Variants in KIF4A observed in about 807,000 individuals in gnomAD.
KIF4A encodes kinesin family member 4A.
KIF4A carries 7 observed loss-of-function variants against 105.9 expected under a neutral mutation model. The observed-to-expected ratio is 0.07, with a 90% CI of 0.04 to 0.12. The LOEUF is 0.12. Among genes scored for constraint, KIF4A ranks in the 10% least tolerant of loss-of-function variants. The probability of loss-of-function intolerance (pLI) is 1.00; values close to 1 mark genes in which losing one functional copy is unlikely to be tolerated. For synonymous variants in KIF4A, 281 were observed against 331.3 expected, an observed-to-expected ratio of 0.85 and a Z score of 1.65; for missense variants, 558 against 929.2, an observed-to-expected ratio of 0.60 and a Z score of 5.19.
intron 7 of KIF4A, among the ~76,000 whole-genome samples, chrX:70,326,352 T>A (rs2085911026): frequency 8.9e-6 from 1 of 112,044 alleles, no homozygotes; most frequent in African/African-American, 3.2e-5. Context: ...CACTCCTAAG[T>A]TGTGACAACC....
At chrX:70,389,382 C>G (rs1353173778) in intron 20 of KIF4A, among the ~76,000 whole-genome samples, 1 of 112,523 alleles carries the variant, frequency 8.9e-6, no homozygotes, top group Non-Finnish European at 1.9e-5. Flanking sequence ...TCCTGGCCAA[C>G]ATGGCAAAAC....
At chrX:70,357,085 C>T (rs889338474) in intron 15 of KIF4A, among the ~76,000 whole-genome samples, 35 of 111,139 alleles carry the variant, frequency 3.1e-4, no homozygotes, top group Middle Eastern at 4.6e-3. Context: ...GAGCCCGAGG[C>T]GGGCGGATCA....
chrX:70,297,270 A>G (rs2085787046), intron 4 of KIF4A, 82 bp downstream of exon 4: 2 of 856,927 alleles, frequency 2.3e-6, no homozygotes, highest in Admixed American at 3.3e-5. Context: ...TTTTCCTGAC[A>G]TGACTCAAAT....
chrX:70,383,965 G>C (rs1404289424), intron 18 of KIF4A, among the ~76,000 whole-genome samples: 4 of 111,932 alleles, frequency 3.6e-5, no homozygotes, highest in Admixed American at 9.5e-5. Context: ...CTAAAATTAA[G>C]TGTGGTGATG....
intron 18 of KIF4A, among the ~76,000 whole-genome samples, chrX:70,377,519 C>A (rs1002044309): frequency 6.2e-5 from 7 of 112,295 alleles, no homozygotes; most frequent in Non-Finnish European, 1.3e-4. Context: ...ACACACTATA[C>A]CTAACAGAAT....
At chrX:70,336,851 A>T (rs1262142705) in intron 10 of KIF4A, among the ~76,000 whole-genome samples, 2 of 111,342 alleles carry the variant, frequency 1.8e-5, no homozygotes, top group African/African-American at 6.5e-5. Context: ...CACCTCCAAA[A>T]TTTTTTTCAT....
intron 15 of KIF4A, 123 bp downstream of exon 15, chrX:70,353,930 G>C: frequency 1.8e-6 from 1 of 547,032 alleles, no homozygotes; most frequent in Non-Finnish European, 2.8e-6. Flanking sequence ...AGTATAATGG[G>C]AGTTGTACTG....
chrX:70,406,861 A>C, intron 27 of KIF4A, 32 bp from the exon 28 acceptor site: 1 of 1,194,753 alleles, frequency 8.4e-7, no homozygotes, highest in Non-Finnish European at 1.1e-6. Flanking sequence ...TTTTTATTAA[A>C]TAACTAAACT....
intron 28 of KIF4A, among the ~76,000 whole-genome samples, chrX:70,410,751 C>T (rs1295472566): frequency 8.9e-6 from 1 of 111,824 alleles, no homozygotes; most frequent in Non-Finnish European, 1.9e-5. Flanking sequence ...GAGGCAGAAC[C>T]CAGGCTGTAA....
chrX:70,303,951 T>A (rs1395474938), intron 7 of KIF4A, among the ~76,000 whole-genome samples: 1 of 105,475 alleles, frequency 9.5e-6, no homozygotes, highest in Non-Finnish European at 1.9e-5. Flanking sequence ...TTATTATTAT[T>A]ATTATACTTT....
intron 15 of KIF4A, among the ~76,000 whole-genome samples, chrX:70,369,239 G>A (rs2086119793): frequency 8.9e-6 from 1 of 112,085 alleles, no homozygotes; most frequent in South Asian, 3.7e-4. Context: ...CACGCTTGGT[G>A]CGCTGCACAC....
chrX:70,343,124 C>T (rs1000115316), intron 11 of KIF4A, among the ~76,000 whole-genome samples: 1 of 110,983 alleles, frequency 9.0e-6, no homozygotes, highest in Non-Finnish European at 1.9e-5. Flanking sequence ...ATTCTTGTGC[C>T]GTACCCTTTT....
intron 5 of KIF4A, 94 bp downstream of exon 5, chrX:70,299,296 G>T (rs967830513): frequency 3.0e-6 from 2 of 670,738 alleles, no homozygotes; most frequent in Non-Finnish European, 4.4e-6. Context: ...GGTTTTAAAT[G>T]ACTACTATCA....
chrX:70,333,721 T>C, intron 10 of KIF4A, 32 bp downstream of exon 10: 1 of 973,392 alleles, frequency 1.0e-6, no homozygotes, highest in Non-Finnish European at 1.5e-6. Flanking sequence ...GAATTGTGTA[T>C]TCTAATAGAG....
At chrX:70,293,621 T>G (rs2085769317) in intron 3 of KIF4A, among the ~76,000 whole-genome samples, 1 of 112,458 alleles carries the variant, frequency 8.9e-6, no homozygotes, top group African/African-American at 3.2e-5. Flanking sequence ...CCTATACACC[T>G]GAGCCTACTG....
intron 7 of KIF4A, among the ~76,000 whole-genome samples, chrX:70,312,961 G>A (rs2085856235): frequency 9.0e-6 from 1 of 111,219 alleles, no homozygotes; most frequent in South Asian, 3.8e-4. Flanking sequence ...TTGAAATTTG[G>A]CCTATACTTA....
intron 7 of KIF4A, among the ~76,000 whole-genome samples, chrX:70,309,678 A>G (rs902966668): frequency 2.7e-5 from 3 of 112,845 alleles, no homozygotes; most frequent in Non-Finnish European, 3.7e-5. Context: ...TGATTACCAC[A>G]GTCAAGCTAA....
At chrX:70,365,990 G>A (rs2086101206) in intron 15 of KIF4A, among the ~76,000 whole-genome samples, 1 of 110,851 alleles carries the variant, frequency 9.0e-6, no homozygotes, top group South Asian at 3.8e-4. Flanking sequence ...ATGTGTCGAG[G>A]AGTTTATCCA....
chrX:70,371,582 G>A (rs1461138833), intron 15 of KIF4A, among the ~76,000 whole-genome samples: 11 of 108,233 alleles, frequency 1.0e-4, no homozygotes, highest in South Asian at 8.4e-4. Flanking sequence ...CCTCCCGGAC[G>A]GGGCAGCTGG....
Sources: gnomAD v4.1 joint callset for allele counts (sites outside exome capture counted in the v4.1 genomes callset) on GRCh38, gnomAD v4.1.1 for gene constraint, MANE v1.5 for transcripts, NCBI Gene and HGNC (gene_info 2026-07-23, HGNC 2026-07-21) for gene names.